Variants in DEDD2 observed in about 807,000 individuals in gnomAD.
DEDD2 encodes the protein death effector domain containing 2.
A neutral mutation model predicts 28.9 loss-of-function variants in DEDD2; 18 were observed. The observed-to-expected ratio is 0.62, with a 90% CI of 0.43 to 0.92. DEDD2 has a LOEUF of 0.92. DEDD2 is among the 40% of genes least tolerant of loss of function. The pLI is 0.00. For missense variants in DEDD2, 411 were observed against 463.3 expected (o/e 0.89, Z 1.04); for synonymous variants, 211 against 206.1 (o/e 1.02, Z -0.20).
intron 1 of DEDD2, 23 bp from the exon 2 acceptor site, chr19:42,217,068 G>A (rs1408284186): frequency 3.3e-6 from 5 of 1,499,626 alleles, no homozygotes; most frequent in Non-Finnish European, 3.6e-6. Context: ...CAGCGGGGAG[G>A]GGGCAGTGGT....
chr19:42,216,993 C>G lies in DEDD2; in HGVS notation c.15G>C (p.Gly5=). The change falls in exon 2 of 5, where the codon GGG becomes GGC. Residue 5 remains glycine, a synonymous_variant. Coordinates refer to ENST00000596251, the MANE Select transcript of DEDD2 (RefSeq NM_133328.4). MALS[G]STPAPCWEED... ...CCTCCCAGCACGGGGCCGGGGTCGA[C>G]CCGGATAGCGCCATTCCCGGGGGAG... 6.3e-7 allele frequency: 1 copy of G among 1,590,510 alleles called. No individual in the cohort carries two copies. Among genetic ancestry groups the G allele is most frequent in the East Asian group, 2.3e-5 (1 of 43,238 alleles).
Position 42,207,403 on chromosome 19 carries a change from G to A in DEDD2, c.589+2297C>T, listed in dbSNP as rs142284649. 1.8e-3 allele frequency among the ~76,000 whole-genome samples: 267 copies of A among 152,230 alleles called. 1 individual carries two copies. Among genetic ancestry groups the A allele is most frequent in the African/African-American group, 6.0e-3 (249 of 41,548 alleles). ...CAAGGTCTCCTAGAAGACAGGACAT[G>A]CCAGCATCTCACCAGCTCCAACTTG... On this transcript the variant is annotated intron_variant, in intron 4 of 4. Transcript: ENST00000596251.
chr19:42,217,764 GC>G (rs1397149194), upstream of DEDD2: 1 of 152,336 alleles, frequency 6.6e-6, no homozygotes, highest in Non-Finnish European at 1.5e-5. Flanking sequence ...AGGTGCGACC[GC>G]CACGCCCCTT....
In DEDD2 at chr19:42,212,070, T is replaced by C. The variant is rs2146893937; in HGVS notation, c.449-2230A>G. On this transcript the variant is annotated intron_variant, in intron 3 of 4. Transcript: ENST00000596251. ...ATAATAATAATAATAATAAATTAAT[T>C]AATTAAAAAGTCTGGCTGGGAGCAG... 1.4e-5 allele frequency: 2 copies of C among 142,070 alleles called. 1 individual carries two copies. Among genetic ancestry groups the C allele is most frequent in the Non-Finnish European group, 3.1e-5 (2 of 65,326 alleles). The allele number at this position is 142,070 out of a possible 1,614,324, so 8.8% of individuals were successfully genotyped here.
upstream of DEDD2, among the ~76,000 whole-genome samples, chr19:42,218,882 G>A (rs188456552): frequency 2.6e-4 from 39 of 151,648 alleles, no homozygotes; most frequent in African/African-American, 9.5e-4. Flanking sequence ...AGCCGGATGT[G>A]GTGGCACGCG....
At chr19:42,200,376 C>T (rs1174862056) in intron 4 of DEDD2, among the ~76,000 whole-genome samples, 1 of 152,196 alleles carries the variant, frequency 6.6e-6, no homozygotes, top group East Asian at 1.9e-4. Context: ...AGTAGGTGTT[C>T]AATATGTATT....
At chr19:42,216,033 C>A (rs557237251) in intron 2 of DEDD2, among the ~76,000 whole-genome samples, 1 of 152,338 alleles carries the variant, frequency 6.6e-6, no homozygotes, top group South Asian at 2.1e-4. Flanking sequence ...TGATGCCAAA[C>A]TCATTCCCAC....
Position 42,199,846 on chromosome 19 carries a change from G to A in DEDD2, c.590-17C>T. On this transcript the variant is annotated splice_polypyrimidine_tract_variant and intron_variant, in intron 4 of 4. Transcript: ENST00000596251. This position sits in a 1 kb window ranked among gnomAD's most constrained non-coding sequence, Gnocchi z 7.4. ...GCCGGATGTCTGCAGGGGAAGGAGG[G>A]ATTTGTCAGGGAGGGGGCCAACACT... 6.4e-6 allele frequency: 10 copies of A among 1,570,258 alleles called. No individual in the cohort carries two copies. The highest frequency in any genetic ancestry group is 1.2e-5 in the South Asian group (1 of 86,378).
chr19:42,216,640 T>C (rs2035980301), intron 2 of DEDD2, 40 bp downstream of exon 2: 2 of 1,504,028 alleles, frequency 1.3e-6, no homozygotes, highest in South Asian at 1.3e-5. Context: ...GCCAGGCCCT[T>C]TCCTCCCAGG....
intron 2 of DEDD2, among the ~76,000 whole-genome samples, chr19:42,216,371 C>T (rs1434229579): frequency 1.3e-5 from 2 of 152,236 alleles, no homozygotes; most frequent in Admixed American, 6.5e-5. Flanking sequence ...AAGACAGTAA[C>T]AGGACTTCCT....
chr19:42,205,254 A>G (rs994606846), intron 4 of DEDD2, among the ~76,000 whole-genome samples: 1 of 152,228 alleles, frequency 6.6e-6, no homozygotes, highest in Non-Finnish European at 1.5e-5. Flanking sequence ...GAGAACCTAC[A>G]TTTATAAAAC....
intron 4 of DEDD2, among the ~76,000 whole-genome samples, chr19:42,200,341 G>T (rs776645138): frequency 1.2e-4 from 18 of 152,228 alleles, no homozygotes; most frequent in Non-Finnish European, 2.2e-4. Context: ...TGTCTGTTTT[G>T]TTCACTTGTG....
intron 1 of DEDD2, among the ~76,000 whole-genome samples, chr19:42,217,259 C>G (rs1402077507): frequency 6.6e-6 from 1 of 152,100 alleles, no homozygotes; most frequent in Non-Finnish European, 1.5e-5. Flanking sequence ...CTTCTGCCCC[C>G]ACCACCGTGC....
upstream of DEDD2, among the ~76,000 whole-genome samples, chr19:42,219,470 T>C (rs1296833960): frequency 6.7e-6 from 1 of 149,894 alleles, no homozygotes; most frequent in Non-Finnish European, 1.5e-5. Context: ...GGCGTGGTGG[T>C]GGACACCTGT....
rs1431014334 is a variant in DEDD2, at chr19:42,209,829, T to C, written c.460A>G (p.Thr154Ala). Residue 154 changes from threonine (T) to alanine (A), a missense_variant, in exon 4 of 5, where the codon ACC becomes GCC. Thr to Ala is a moderately conservative substitution (Grantham distance 58, BLOSUM62 0). This residue lies in a region of DEDD2 where 282 missense variants were observed against 273.4 expected (regional missense o/e 1.03). Transcript: ENST00000596251. Reference protein sequence around the residue: ...QGQWETGSPPTKRQRRSRGRP... With the variant: ...QGQWETGSPPAKRQRRSRGRP... ...CCCCGACTCCGCCGCTGCCGCTTGG[T>C]TGGGGGGGAGCCTGAGGGGAAAAAA... 20 of 1,539,892 alleles carry C rather than the reference T, an allele frequency of 1.3e-5. No homozygotes were observed. The South Asian group carries it at 1.9e-4, about 15-fold the overall frequency.
chr19:42,219,016 A>C (rs554714151), upstream of DEDD2, among the ~76,000 whole-genome samples: 63 of 151,930 alleles, frequency 4.1e-4, no homozygotes, highest in African/African-American at 1.4e-3. Context: ...CTCAAGAAAC[A>C]AACAAACGCC....
In DEDD2 at chr19:42,217,018, G is replaced by A; in HGVS notation, c.-11C>T. ...CCCGGATAGCGCCATTCCCGGGGGA[G>A]GGAGGCGGAACAAGCTCAGAACCCG... is the stretch of plus-strand genomic sequence containing the variant. On this transcript the variant is annotated 5_prime_UTR_variant, in exon 2 of 5. Coordinates refer to ENST00000596251, the MANE Select transcript of DEDD2 (RefSeq NM_133328.4). 2.6e-6 allele frequency: 4 copies of A among 1,568,592 alleles called. No individual in the cohort carries two copies. The highest frequency in any genetic ancestry group is 2.6e-6 in the Non-Finnish European group (3 of 1,157,454).
At position 42,215,263 on chromosome 19, in the gene DEDD2, A is replaced by C; in HGVS notation, c.329-11T>G. On this transcript the variant is annotated splice_polypyrimidine_tract_variant and intron_variant, in intron 2 of 4. Transcript: ENST00000596251. ...AGCGTTCTGGAGACACTGGAGGAAG[A>C]GAAGAACAGGAAGAAGCATTCAGCC... The C allele has an allele frequency of 1.9e-6, 3 of 1,613,614 alleles. No homozygotes were observed. Among genetic ancestry groups the C allele is most frequent in the East Asian group, 2.2e-5 (1 of 44,864 alleles).
intron 4 of DEDD2, among the ~76,000 whole-genome samples, chr19:42,207,603 T>G (rs1473110695): frequency 2.0e-5 from 3 of 152,178 alleles, no homozygotes; most frequent in Non-Finnish European, 4.4e-5. Flanking sequence ...CTACGCTGGC[T>G]TATTTTCGAG....
Sources: allele counts gnomAD v4.1 joint callset (sites outside exome capture counted in the v4.1 genomes callset), GRCh38; gene constraint gnomAD v4.1.1; regional missense constraint gnomAD v4.1.1; non-coding constraint Gnocchi (gnomAD v3.1); transcripts MANE v1.5; gene names NCBI Gene and HGNC (gene_info 2026-07-23, HGNC 2026-07-21).